DPP10: variants seen among roughly 807,000 people sequenced by gnomAD.
The protein encoded by DPP10 is inactive dipeptidyl peptidase 10.
In DPP10, 33 loss-of-function variants were observed where a neutral mutation model predicts 120.9. The ratio of observed to expected loss-of-function variants is 0.27; its 90% CI spans 0.21 to 0.37. The LOEUF is 0.37. Ranked by LOEUF, DPP10 falls within the 10% of genes least tolerant of loss-of-function variation. The pLI is 1.00. For missense variants in DPP10, 816 were observed against 942.8 expected (o/e 0.87, Z 1.76); for synonymous variants, 337 against 326.1 (o/e 1.03, Z -0.36).
At chr2:115,821,765 T>C (rs961662680) in intron 21 of DPP10, among the ~76,000 whole-genome samples, 7 of 152,056 alleles carry the variant, frequency 4.6e-5, no homozygotes, top group African/African-American at 1.7e-4. Context: ...TATAAAATAA[T>C]TTGTTTATCC....
chr2:114,510,194 T>G (rs1188788287), intron 1 of DPP10, among the ~76,000 whole-genome samples: 1 of 152,148 alleles, frequency 6.6e-6, no homozygotes, highest in African/African-American at 2.4e-5. Context: ...GTCATGCAAT[T>G]TGGATGTGAA....
chr2:114,802,735 A>G (rs937615313), intron 1 of DPP10, among the ~76,000 whole-genome samples: 1 of 152,214 alleles, frequency 6.6e-6, no homozygotes, highest in Non-Finnish European at 1.5e-5. Context: ...TTCCTTGTAC[A>G]TTAAATCATT....
chr2:115,384,683 G>A (rs13030227), intron 3 of DPP10, among the ~76,000 whole-genome samples: 60 of 138,616 alleles, frequency 4.3e-4, no homozygotes, highest in African/African-American at 1.5e-3. Context: ...AAGAAGAAGA[G>A]GAAGAAGAAG....
chr2:114,670,213 A>G (rs557422356), intron 1 of DPP10, among the ~76,000 whole-genome samples: 1 of 152,260 alleles, frequency 6.6e-6, no homozygotes, highest in East Asian at 1.9e-4. Context: ...ATAAAGACAC[A>G]TGCACACGTA....
chr2:115,129,798 G>A (rs1475124080), intron 1 of DPP10, among the ~76,000 whole-genome samples: 1 of 152,120 alleles, frequency 6.6e-6, no homozygotes, highest in African/African-American at 2.4e-5. Context: ...ATGCAAAATT[G>A]CAGCTCCAAC....
intron 1 of DPP10, among the ~76,000 whole-genome samples, chr2:114,996,366 TG>T (rs1282372293): frequency 2.0e-5 from 3 of 152,162 alleles, no homozygotes; most frequent in Non-Finnish European, 4.4e-5. Flanking sequence ...ACCAAGAGCA[TG>T]GAGAGTATGT....
chr2:115,578,234 A>AT (rs898325241), intron 5 of DPP10, among the ~76,000 whole-genome samples: 3 of 152,042 alleles, frequency 2.0e-5, no homozygotes, highest in Non-Finnish European at 4.4e-5. Flanking sequence ...GTATAATCTC[A>AT]TTTTTTGTGC....
intron 13 of DPP10, among the ~76,000 whole-genome samples, chr2:115,769,861 G>T (rs1681242861): frequency 1.3e-5 from 2 of 151,856 alleles, no homozygotes; most frequent in African/African-American, 4.8e-5. Context: ...AACTATTTTG[G>T]CCCCTAAAAT....
chr2:115,305,062 A>C (rs2061305723), intron 1 of DPP10, among the ~76,000 whole-genome samples: 1 of 152,054 alleles, frequency 6.6e-6, no homozygotes, highest in Non-Finnish European at 1.5e-5. Flanking sequence ...CAAGCGTTTC[A>C]ACTGATGCAT....
At chr2:114,835,833 A>T (rs1687689815) in intron 1 of DPP10, among the ~76,000 whole-genome samples, 1 of 152,226 alleles carries the variant, frequency 6.6e-6, no homozygotes. Context: ...TCAGAAAGGG[A>T]AAAAAGACTA....
intron 3 of DPP10, among the ~76,000 whole-genome samples, chr2:115,494,869 G>A (rs2076311536): frequency 6.6e-6 from 1 of 152,080 alleles, no homozygotes; most frequent in South Asian, 2.1e-4. Context: ...CTTTCTCTAT[G>A]TAGAGATAGA....
intron 1 of DPP10, among the ~76,000 whole-genome samples, chr2:114,454,652 G>T (rs754141114): frequency 5.3e-5 from 8 of 152,162 alleles, no homozygotes; most frequent in Non-Finnish European, 1.0e-4. Flanking sequence ...GGTAGTTACT[G>T]CTCCTCATTC....
chr2:115,586,784 A>G (rs2082314711), intron 5 of DPP10, among the ~76,000 whole-genome samples: 1 of 152,180 alleles, frequency 6.6e-6, no homozygotes, highest in South Asian at 2.1e-4. Flanking sequence ...TCATAGTAGC[A>G]TTATATTCTT....
At chr2:115,479,494 T>G (rs955179771) in intron 3 of DPP10, among the ~76,000 whole-genome samples, 7 of 152,170 alleles carry the variant, frequency 4.6e-5, no homozygotes, top group African/African-American at 7.2e-5. Context: ...GTGGCAATGG[T>G]TATCCAACAA....
chr2:115,275,255 A>G (rs573363245), intron 1 of DPP10, among the ~76,000 whole-genome samples: 4 of 152,314 alleles, frequency 2.6e-5, no homozygotes, highest in Admixed American at 1.3e-4. Flanking sequence ...GCCATTGTCT[A>G]TATTGAGTTC....
chr2:115,263,471 A>G (rs573771507), intron 1 of DPP10, among the ~76,000 whole-genome samples: 13 of 152,186 alleles, frequency 8.5e-5, no homozygotes, highest in Non-Finnish European at 1.8e-4. Context: ...GATATCTATG[A>G]TTCTTTAACC....
chr2:115,592,098 G>A (rs2082699032), intron 5 of DPP10, among the ~76,000 whole-genome samples: 1 of 152,086 alleles, frequency 6.6e-6, no homozygotes, highest in African/African-American at 2.4e-5. Context: ...ACTGACATGA[G>A]GCAGATTGAT....
intron 8 of DPP10, 97 bp downstream of exon 8, chr2:115,728,033 G>A: frequency 7.4e-7 from 1 of 1,353,280 alleles, no homozygotes; most frequent in East Asian, 2.6e-5. Context: ...AATACTTACA[G>A]TACAGTTTCT....
At chr2:114,954,335 G>A (rs973869967) in intron 1 of DPP10, among the ~76,000 whole-genome samples, 29 of 151,936 alleles carry the variant, frequency 1.9e-4, no homozygotes, top group African/African-American at 6.0e-4. Flanking sequence ...CACCCACCTC[G>A]GCCTCCCAAA....
Sources: allele counts gnomAD v4.1 joint callset (sites outside exome capture counted in the v4.1 genomes callset), GRCh38; gene constraint gnomAD v4.1.1; transcripts MANE v1.5; gene names NCBI Gene and HGNC (gene_info 2026-07-23, HGNC 2026-07-21).